MARCHF3: variants seen among roughly 807,000 people sequenced by gnomAD.
The protein encoded by MARCHF3 is membrane associated ring-CH-type finger 3.
In MARCHF3, 13 loss-of-function variants were observed where a neutral mutation model predicts 24.2. The ratio of observed to expected loss-of-function variants is 0.54; its 90% CI spans 0.35 to 0.85. MARCHF3 has a LOEUF of 0.85. Among genes scored for constraint, MARCHF3 ranks in the 40% least tolerant of loss-of-function variants. The pLI, the probability that MARCHF3 is intolerant of heterozygous loss-of-function variation, is 0.01. For missense variants in MARCHF3, 276 were observed against 325.0 expected (o/e 0.85, Z 1.16); for synonymous variants, 144 against 137.3 (o/e 1.05, Z -0.34).
In MARCHF3 at chr5:126,914,980, G is replaced by A. The variant is rs1239896453; in HGVS notation, c.343C>T (p.Leu115Phe). 1.9e-6 allele frequency: 3 copies of A among 1,614,230 alleles called. No homozygotes were observed. The highest frequency in any genetic ancestry group is 2.5e-6 in the Non-Finnish European group (3 of 1,180,040). Residue 115 changes from leucine to phenylalanine, a missense_variant, in exon 3 of 5, where the codon CTC becomes TTC. By Grantham distance (22) the Leu-to-Phe change is conservative. Coordinates refer to ENST00000308660, the MANE Select transcript of MARCHF3 (RefSeq NM_178450.5). Reference protein sequence around the residue: ...LSSSNTSYCELCHFRFAVERK... With the variant: ...LSSSNTSYCEFCHFRFAVERK... ...TCGACTGCAAACCTGAAGTGGCAGA[G>A]TTCACAGTAGCTGGTGTTTGAGGAT...
At chr5:126,918,286 T>G in intron 1 of MARCHF3, 59 bp from the exon 2 acceptor site, 1 of 1,039,640 alleles carries the variant, frequency 9.6e-7, no homozygotes, top group Non-Finnish European at 1.4e-6. Context: ...AATGGAGAAT[T>G]ATGGGCCACC....
intron 1 of MARCHF3, among the ~76,000 whole-genome samples, chr5:126,933,097 T>A (rs1465196745): frequency 1.3e-5 from 2 of 152,128 alleles, no homozygotes; most frequent in Non-Finnish European, 2.9e-5. Context: ...TCTAAAAAAA[T>A]AAAATAAAAC....
At chr5:127,003,311 C>CA (rs1218940736) in intron 1 of MARCHF3, among the ~76,000 whole-genome samples, 1 of 150,470 alleles carries the variant, frequency 6.6e-6, no homozygotes, top group Non-Finnish European at 1.5e-5. Flanking sequence ...ACTAAAAATA[C>CA]AAAAAATTAG....
At chr5:126,928,772 T>C (rs1022400498) in intron 1 of MARCHF3, among the ~76,000 whole-genome samples, 2 of 152,222 alleles carry the variant, frequency 1.3e-5, no homozygotes, top group Non-Finnish European at 2.9e-5. Context: ...TATATGCCAA[T>C]CTAAAAATTA....
At chr5:127,012,045 G>A (rs1026872968) in intron 1 of MARCHF3, among the ~76,000 whole-genome samples, 18 of 152,198 alleles carry the variant, frequency 1.2e-4, no homozygotes, top group Admixed American at 2.6e-4. Flanking sequence ...AGCAAGCGTG[G>A]TGAGACATAG....
intron 1 of MARCHF3, among the ~76,000 whole-genome samples, chr5:126,954,199 A>ATTTTTTTTTTTTTTTTT (rs750262766): frequency 1.8e-5 from 2 of 114,086 alleles, no homozygotes; most frequent in Non-Finnish European, 1.7e-5. Flanking sequence ...CGCCCGGCTA[A>ATTTTTTTTTTTTTTTTT]TTTTTTTTTT....
intron 1 of MARCHF3, among the ~76,000 whole-genome samples, chr5:126,992,730 C>G (rs936779633): frequency 2.7e-5 from 4 of 148,846 alleles, no homozygotes; most frequent in African/African-American, 9.9e-5. Flanking sequence ...CTACAAGTCA[C>G]TGATTTTTTT....
chr5:126,897,282 G>A (rs568449004), intron 3 of MARCHF3, among the ~76,000 whole-genome samples: 2 of 151,596 alleles, frequency 1.3e-5, no homozygotes, highest in African/African-American at 2.4e-5. Flanking sequence ...CAGGTGATCC[G>A]CCTGCCTCAG....
chr5:126,876,722 C>A (rs1753171436), intron 4 of MARCHF3, among the ~76,000 whole-genome samples: 2 of 151,972 alleles, frequency 1.3e-5, no homozygotes, highest in Non-Finnish European at 1.5e-5. Flanking sequence ...ACGATCTTGG[C>A]TCAGTGCAAC....
intron 3 of MARCHF3, 48 bp from the exon 4 acceptor site, chr5:126,878,442 C>G: frequency 6.4e-7 from 1 of 1,551,824 alleles, no homozygotes; most frequent in Non-Finnish European, 8.8e-7. Flanking sequence ...GGGTTAAATG[C>G]CAGTGTGGAG....
At chr5:126,958,402 A>G (rs1750521159) in intron 1 of MARCHF3, among the ~76,000 whole-genome samples, 1 of 152,162 alleles carries the variant, frequency 6.6e-6, no homozygotes. Flanking sequence ...TAAATGGTCT[A>G]GCTTGCTTAC....
At chr5:126,876,426 G>A (rs1413377792) in intron 4 of MARCHF3, among the ~76,000 whole-genome samples, 1 of 152,154 alleles carries the variant, frequency 6.6e-6, no homozygotes, top group East Asian at 1.9e-4. Context: ...AACACCAGGG[G>A]AATTTGGCAG....
intron 3 of MARCHF3, among the ~76,000 whole-genome samples, chr5:126,909,396 A>G (rs1015019076): frequency 7.9e-5 from 12 of 152,222 alleles, no homozygotes; most frequent in East Asian, 7.7e-4. Flanking sequence ...AGCCTGGGCA[A>G]TGGCGGGCGC....
At chr5:127,025,763 T>C (rs1464450851) in intron 1 of MARCHF3, among the ~76,000 whole-genome samples, 1 of 152,220 alleles carries the variant, frequency 6.6e-6, no homozygotes, top group Non-Finnish European at 1.5e-5. Context: ...GTATTATCCT[T>C]CATCTTTTTC....
intron 1 of MARCHF3, among the ~76,000 whole-genome samples, chr5:126,930,474 C>A (rs906229959): frequency 6.6e-6 from 1 of 152,186 alleles, no homozygotes; most frequent in African/African-American, 2.4e-5. Context: ...GAAGGTGGCC[C>A]AAGGCTGTGG....
At position 126,945,230 on chromosome 5, in the gene MARCHF3, C is replaced by T. The variant is rs185349841; in HGVS notation, c.-56-27003G>A. Among the ~76,000 whole-genome samples, 174 of 152,300 alleles carry T rather than the reference C, an allele frequency of 1.1e-3. 7 individuals carry two copies. Among genetic ancestry groups the T allele is most frequent in the Middle Eastern group, 3.4e-3 (1 of 294 alleles). On this transcript the variant is annotated intron_variant, in intron 1 of 4. Coordinates refer to ENST00000308660, the MANE Select transcript of MARCHF3 (RefSeq NM_178450.5). ...TTGGCAATAGTGGGAGTATTTACAC[C>T]GTGGGATTGGCAAATGCTACAAATC... is the stretch of plus-strand genomic sequence containing the variant.
At chr5:126,927,096 C>T (rs1749321171) in intron 1 of MARCHF3, among the ~76,000 whole-genome samples, 1 of 152,198 alleles carries the variant, frequency 6.6e-6, no homozygotes, top group Non-Finnish European at 1.5e-5. Context: ...TGGCCTTAGA[C>T]ATGGCTTCCC....
chr5:126,978,069 C>T (rs1751263781), intron 1 of MARCHF3, among the ~76,000 whole-genome samples: 1 of 152,200 alleles, frequency 6.6e-6, no homozygotes, highest in South Asian at 2.1e-4. Context: ...AGATGAGGGG[C>T]TGGCCCCCAA....
At chr5:126,910,115 T>C (rs4836302) in intron 3 of MARCHF3, among the ~76,000 whole-genome samples, 150,189 of 152,334 alleles carry the variant, frequency 0.99, 74,087 homozygotes, top group East Asian at 1. Flanking sequence ...GCTCCCTGAT[T>C]AGAGGAAAAA....
Sources: gnomAD v4.1 joint callset for allele counts (sites outside exome capture counted in the v4.1 genomes callset) on GRCh38, gnomAD v4.1.1 for gene constraint, MANE v1.5 for transcripts, NCBI Gene and HGNC (gene_info 2026-07-23, HGNC 2026-07-21) for gene names.